GALNT13: variants seen among roughly 807,000 people sequenced by gnomAD.
GALNT13 encodes the protein UDP-GalNAc:polypeptide N-acetylgalactosaminyltransferase 13.
GALNT13 carries 28 observed loss-of-function variants against 64.2 expected under a neutral mutation model. That is an observed-to-expected ratio of 0.44 (90% CI 0.32 to 0.60). GALNT13 has a LOEUF of 0.60. Ranked by LOEUF, GALNT13 falls within the 20% of genes least tolerant of loss-of-function variation. GALNT13 has a pLI of 0.05. For missense variants in GALNT13, 577 were observed against 669.8 expected (o/e 0.86, Z 1.53); for synonymous variants, 214 against 224.6 (o/e 0.95, Z 0.42).
the GALNT13 span, among the ~76,000 whole-genome samples, chr2:153,403,626 T>C: frequency 2.6e-5 from 4 of 152,180 alleles, no homozygotes; most frequent in Admixed American, 2.0e-4. Flanking sequence ...GATATAATCT[T>C]GTGATGCGCC....
At chr2:154,024,949 A>C (rs1449146691) in intron 3 of GALNT13, among the ~76,000 whole-genome samples, 2 of 152,084 alleles carry the variant, frequency 1.3e-5, no homozygotes, top group African/African-American at 2.4e-5. Context: ...GGAGTTTGCT[A>C]GAGGTCCACT....
At chr2:154,122,370 A>T (rs1304311180) in intron 3 of GALNT13, among the ~76,000 whole-genome samples, 2 of 151,882 alleles carry the variant, frequency 1.3e-5, no homozygotes, top group African/African-American at 2.4e-5. Context: ...TCTTCATAAG[A>T]GGTATTGGTC....
At chr2:153,519,456 T>C in the GALNT13 span, among the ~76,000 whole-genome samples, 1 of 152,186 alleles carries the variant, frequency 6.6e-6, no homozygotes, top group Non-Finnish European at 1.5e-5. Flanking sequence ...TGGCTAACAA[T>C]GATGGATTGC....
chr2:153,726,397 C>G, the GALNT13 span, among the ~76,000 whole-genome samples: 1 of 151,738 alleles, frequency 6.6e-6, no homozygotes, highest in South Asian at 2.1e-4. Context: ...TTTCTTTAAC[C>G]ATTCCTTCAT....
chr2:153,613,895 G>A, the GALNT13 span, among the ~76,000 whole-genome samples: 1 of 151,952 alleles, frequency 6.6e-6, no homozygotes, highest in African/African-American at 2.4e-5. Context: ...ATAGCATCAG[G>A]AGATATACCT....
At chr2:154,194,912 G>T (rs1012260107) in intron 4 of GALNT13, among the ~76,000 whole-genome samples, 1 of 150,306 alleles carries the variant, frequency 6.7e-6, no homozygotes, top group Non-Finnish European at 1.5e-5. Flanking sequence ...GAACGTACAG[G>T]TTTGTTACAT....
the GALNT13 span, among the ~76,000 whole-genome samples, chr2:153,637,311 C>A: frequency 4.6e-5 from 7 of 152,242 alleles, no homozygotes; most frequent in South Asian, 1.5e-3. Context: ...AAAGATACTG[C>A]AATCTATCAC....
intron 9 of GALNT13, among the ~76,000 whole-genome samples, chr2:154,328,068 T>C (rs554804835): frequency 6.6e-6 from 1 of 152,254 alleles, no homozygotes; most frequent in South Asian, 2.1e-4. Context: ...TATGATAAAA[T>C]GCAGTTTAAA....
Position 154,450,413 on chromosome 2 carries a change from A to C in GALNT13, c.1533A>C (p.Arg511Ser). 6.2e-7 allele frequency: 1 copy of C among 1,608,324 alleles called. No individual in the cohort carries two copies. Among genetic ancestry groups the C allele is most frequent in the Admixed American group, 1.7e-5 (1 of 58,776 alleles). ...GNQLWEYDAE[R>S]LTLRHVNSNQ... ...TGATTATTGGTTATCTTTTACAGAG[A>C]CTCACGTTGCGACATGTTAACAGTA... Residue 511 changes from arginine (R) to serine (S), a missense_variant and splice_region_variant, in exon 13 of 13, where the codon AGA becomes AGC. This residue lies in a region of GALNT13 where 232 missense variants were observed against 270.6 expected (regional missense o/e 0.86). Transcript: ENST00000392825.
rs74422477 is a variant in GALNT13 at position 153,916,128 on chromosome 2, G to A, written c.-105+15121G>A. ...CCTTCCTTCCTCCCTTCCTTCCTTC[G>A]TTCCTTCCTTCCTTCCTTCCTTCCT... is the stretch of plus-strand genomic sequence containing the variant. On this transcript the variant is annotated intron_variant, in intron 2 of 12. Coordinates refer to ENST00000392825, the MANE Select transcript of GALNT13 (RefSeq NM_052917.4). Among the ~76,000 whole-genome samples the A allele has an allele frequency of 5.3e-5, 7 of 132,178 alleles. 1 individual carries two copies. Among genetic ancestry groups the A allele is most frequent in the Non-Finnish European group, 8.2e-5 (5 of 61,118 alleles). The allele number at this position is 132,178 out of a possible 152,430, so 86.7% of individuals were successfully genotyped here. A position where few individuals can be genotyped will look rare whatever the true frequency, so the allele number is the denominator to read the frequency against.
chr2:153,331,004 T>A, the GALNT13 span, among the ~76,000 whole-genome samples: 4 of 152,286 alleles, frequency 2.6e-5, no homozygotes, highest in Admixed American at 2.6e-4. Flanking sequence ...TCAATTATAT[T>A]GAAAGCTTTT....
chr2:153,286,561 A>G, the GALNT13 span, among the ~76,000 whole-genome samples: 1 of 152,198 alleles, frequency 6.6e-6, no homozygotes, highest in Non-Finnish European at 1.5e-5. Context: ...AAATGCTAAC[A>G]TATCTTGCAT....
the GALNT13 span, among the ~76,000 whole-genome samples, chr2:153,191,918 CT>C: frequency 6.6e-6 from 1 of 151,614 alleles, no homozygotes; most frequent in African/African-American, 2.4e-5. Context: ...CTTTTTGTTT[CT>C]AATTTTATTT....
chr2:153,638,210 A>G, the GALNT13 span, among the ~76,000 whole-genome samples: 1 of 152,136 alleles, frequency 6.6e-6, no homozygotes, highest in South Asian at 2.1e-4. Context: ...ATCATTTGGC[A>G]TCTTATATAT....
intron 9 of GALNT13, among the ~76,000 whole-genome samples, chr2:154,311,766 G>C (rs1241113545): frequency 6.6e-6 from 1 of 152,096 alleles, no homozygotes; most frequent in Non-Finnish European, 1.5e-5. Flanking sequence ...GCCCTGGGGG[G>C]GCCAGTTCAG....
intron 3 of GALNT13, among the ~76,000 whole-genome samples, chr2:154,066,713 G>T (rs955203691): frequency 1.3e-5 from 2 of 152,128 alleles, no homozygotes; most frequent in South Asian, 4.1e-4. Context: ...CACCAGACCT[G>T]TCCTACAAGA....
chr2:153,188,722 T>G, the GALNT13 span, among the ~76,000 whole-genome samples: 7 of 152,184 alleles, frequency 4.6e-5, no homozygotes, highest in Admixed American at 4.6e-4. Flanking sequence ...CAGAATGATA[T>G]AGAGATTAGA....
intron 4 of GALNT13, among the ~76,000 whole-genome samples, chr2:154,175,590 G>A (rs976669516): frequency 1.3e-5 from 2 of 152,094 alleles, no homozygotes; most frequent in African/African-American, 2.4e-5. Context: ...ACCTTTAAAT[G>A]CCACAGGCTC....
chr2:154,320,751 A>G (rs1694577646), intron 9 of GALNT13, among the ~76,000 whole-genome samples: 1 of 152,144 alleles, frequency 6.6e-6, no homozygotes, highest in Non-Finnish European at 1.5e-5. Flanking sequence ...AAGGCTGAAG[A>G]AGGCTCTTTC....
Sources: gnomAD v4.1 joint callset for allele counts (sites outside exome capture counted in the v4.1 genomes callset) on GRCh38, gnomAD v4.1.1 for gene constraint, gnomAD v4.1.1 regional missense constraint, MANE v1.5 for transcripts, NCBI Gene and HGNC (gene_info 2026-07-23, HGNC 2026-07-21) for gene names.